IRS1: variants seen among roughly 807,000 people sequenced by gnomAD.
IRS1 encodes the protein insulin receptor substrate 1.
Under a neutral mutation model 65.6 loss-of-function variants are expected in IRS1, and 34 were observed. That is an observed-to-expected ratio of 0.52 (90% confidence interval 0.39 to 0.69). The LOEUF (loss-of-function observed/expected upper bound fraction) is 0.69. Ranked by LOEUF, IRS1 falls within the 30% of genes least tolerant of loss-of-function variation. The pLI, the probability that IRS1 is intolerant of heterozygous loss-of-function variation, is 0.00. For missense variants in IRS1, 1,641 were observed against 1,720.2 expected, an observed-to-expected ratio of 0.95 and a Z score of 0.81; for synonymous variants, 699 against 683.5, an observed-to-expected ratio of 1.02 and a Z score of -0.35.
intron 1 of IRS1, among the ~76,000 whole-genome samples, chr2:226,777,329 T>C (rs1226149379): frequency 6.6e-6 from 1 of 152,204 alleles, no homozygotes; most frequent in Non-Finnish European, 1.5e-5. Flanking sequence ...ATTTTAAAAA[T>C]GCTATTGAGT....
At chr2:226,773,843 G>C (rs189574249) in intron 1 of IRS1, among the ~76,000 whole-genome samples, 53 of 152,262 alleles carry the variant, frequency 3.5e-4, no homozygotes, top group African/African-American at 1.2e-3. Flanking sequence ...GTAGTCTTAA[G>C]GCTGATTCCA....
intron 1 of IRS1, among the ~76,000 whole-genome samples, chr2:226,741,508 G>A (rs932102960): frequency 2.4e-4 from 37 of 152,096 alleles, no homozygotes; most frequent in African/African-American, 8.5e-4. Flanking sequence ...GAGCAGAGGG[G>A]TCAGTGGGTA....
chr2:226,737,496 CAG>C (rs1255123289), intron 1 of IRS1, among the ~76,000 whole-genome samples: 1 of 152,084 alleles, frequency 6.6e-6, no homozygotes, highest in Non-Finnish European at 1.5e-5. Flanking sequence ...GGGTATTTAG[CAG>C]AGAGTAGATC....
intron 1 of IRS1, among the ~76,000 whole-genome samples, chr2:226,742,358 G>T (rs935287886): frequency 2.0e-5 from 3 of 152,192 alleles, no homozygotes; most frequent in Admixed American, 6.5e-5. Flanking sequence ...AGCCATTTTA[G>T]CTAAAGAAAG....
chr2:226,774,725 T>C (rs766600106), intron 1 of IRS1, among the ~76,000 whole-genome samples: 4 of 152,244 alleles, frequency 2.6e-5, no homozygotes, highest in Non-Finnish European at 4.4e-5. Context: ...AAATAAACTA[T>C]GTTTCATCCA....
At chr2:226,738,599 G>A (rs1244814587) in intron 1 of IRS1, among the ~76,000 whole-genome samples, 2 of 152,300 alleles carry the variant, frequency 1.3e-5, no homozygotes, top group East Asian at 3.9e-4. Context: ...TTTACTCTGT[G>A]TGTCTACAAT....
In IRS1 at chr2:226,798,004, C is replaced by T; in HGVS notation, c.735G>A (p.Val245=). 1 of 1,614,120 alleles carries T rather than the reference C, an allele frequency of 6.2e-7. No individual in the cohort carries two copies. The highest frequency in any genetic ancestry group is 8.5e-7 in the Non-Finnish European group (1 of 1,180,012). Residue 245 remains valine (V), a synonymous_variant, in exon 1 of 2, where the codon GTG becomes GTA. Coordinates refer to ENST00000305123, the MANE Select transcript of IRS1 (RefSeq NM_005544.3). The surrounding 1 kb of genome is among the most constrained non-coding windows in gnomAD (Gnocchi z 9.4). ...GGATGGTCTCGTGCATGTTCTGGGC[C>T]ACCACAGAGTCATCCACCTGCATCC... is the stretch of plus-strand genomic sequence containing the variant. ...EFWMQVDDSV[V]AQNMHETILE...
Position 226,795,018 on chromosome 2 carries a change from G to A in IRS1, c.3721C>T (p.Arg1241Cys), listed in dbSNP as rs1022427396. The A allele has an allele frequency of 2.6e-5, 42 of 1,613,112 alleles. No homozygotes were observed. Among genetic ancestry groups the A allele is most frequent in the Non-Finnish European group, 3.3e-5 (39 of 1,179,958 alleles). ...TGTGATGTCCAGTTGAGCTACTGACGGTCCTCTGGCTGCTTCTGGAAACTG... is the reference window on the plus strand; with the variant it reads ...TGTGATGTCCAGTTGAGCTACTGACAGTCCTCTGGCTGCTTCTGGAAACTG... ...SISFQKQPEDRQ is the reference protein window; with the variant it reads ...SISFQKQPEDCQ The change falls in exon 1 of 2, where the codon CGT becomes TGT. Residue 1241 changes from arginine to cysteine, a missense_variant. This residue lies in a region of IRS1 where 1,324 missense variants were observed against 1,361.0 expected (regional missense o/e 0.97). Coordinates refer to ENST00000305123, the MANE Select transcript of IRS1 (RefSeq NM_005544.3).
At chr2:226,751,274 ATTTTTTTTTTTTTTTT>A (rs35699614) in intron 1 of IRS1, among the ~76,000 whole-genome samples, 2 of 77,550 alleles carry the variant, frequency 2.6e-5, no homozygotes, top group Non-Finnish European at 4.9e-5. Context: ...CCACACGGGT[ATTTTTTTTTTTTTTTT>A]TTTTTTTTTT....
chr2:226,790,164 A>G (rs1297671008), intron 1 of IRS1, among the ~76,000 whole-genome samples: 1 of 152,238 alleles, frequency 6.6e-6, no homozygotes, highest in Non-Finnish European at 1.5e-5. Context: ...AAAATCCTCA[A>G]GTTACTGATG....
intron 1 of IRS1, among the ~76,000 whole-genome samples, chr2:226,742,701 C>T (rs1238724522): frequency 7.4e-6 from 1 of 134,384 alleles, no homozygotes; most frequent in East Asian, 2.8e-4. Flanking sequence ...TGAAGAAAGG[C>T]ACACGCATTA....
rs1939834206 is a variant in IRS1 at position 226,799,130 on chromosome 2, C to T, written c.-392G>A. ...CGACAGTCGGGGGTCCCTGCGGTGCCCCTCCAGGAGCGCGCGCGCGCGCGC... is the reference window on the plus strand; with the variant it reads ...CGACAGTCGGGGGTCCCTGCGGTGCTCCTCCAGGAGCGCGCGCGCGCGCGC... On this transcript the variant is annotated 5_prime_UTR_variant, in exon 1 of 2. Coordinates refer to ENST00000305123, the MANE Select transcript of IRS1 (RefSeq NM_005544.3). The surrounding 1 kb of genome is among the most constrained non-coding windows in gnomAD (Gnocchi z 6.1). 2.6e-6 allele frequency: 3 copies of T among 1,157,142 alleles called. No homozygotes were observed. Among genetic ancestry groups the T allele is most frequent in the Non-Finnish European group, 3.2e-6 (3 of 924,058 alleles). The allele number at this position is 1,157,142 out of a possible 1,614,324, so 71.7% of individuals were successfully genotyped here.
At position 226,798,469 on chromosome 2, in the gene IRS1, G is replaced by A. The variant is rs3731597; in HGVS notation, c.270C>T (p.Asp90=). The change falls in exon 1 of 2, where the codon GAC becomes GAT. Residue 90 remains aspartate (D), a synonymous_variant. Transcript: ENST00000305123. This position sits in a 1 kb window ranked among gnomAD's most constrained non-coding sequence, Gnocchi z 9.4. ...TGTCCGCCGCGATGGCAAAGTGCTC[G>A]TCCCGGGTGTAGAGAGCCACCAGGT... is the stretch of plus-strand genomic sequence containing the variant. ...NKHLVALYTR[D]EHFAIAADSE... The A allele has an allele frequency of 0.025, 41,089 of 1,614,066 alleles. 1,909 individuals are homozygous for A. The highest frequency in any genetic ancestry group is 0.16 in the African/African-American group (12,118 of 75,010).
intron 1 of IRS1, among the ~76,000 whole-genome samples, chr2:226,784,188 T>C (rs1425479831): frequency 6.6e-6 from 1 of 152,154 alleles, no homozygotes; most frequent in Admixed American, 6.5e-5. Flanking sequence ...GTTTGTTACA[T>C]ATTGAAAGCT....
At chr2:226,768,893 C>T (rs1376497250) in intron 1 of IRS1, among the ~76,000 whole-genome samples, 1 of 152,266 alleles carries the variant, frequency 6.6e-6, no homozygotes, top group East Asian at 1.9e-4. Context: ...CCTCGGCCTC[C>T]CAAAGTGCTG....
chr2:226,735,457 T>G lies in IRS1; in HGVS notation c.*815A>C. On this transcript the variant is annotated 3_prime_UTR_variant, in exon 2 of 2. Coordinates refer to ENST00000305123, the MANE Select transcript of IRS1 (RefSeq NM_005544.3). The stretch of plus-strand genomic sequence containing the variant: ...CCCAGCCAAATATATCCTTCTTCAG[T>G]TTAATTAACATGGCCTATTGTCTTA... 6.6e-6 allele frequency: 1 copy of G among 152,458 alleles called. No homozygotes were observed. Among genetic ancestry groups the G allele is most frequent in the Non-Finnish European group, 1.5e-5 (1 of 68,022 alleles). The allele number at this position is 152,458 out of a possible 1,614,324, so 9.4% of individuals were successfully genotyped here. A position where few individuals can be genotyped will look rare whatever the true frequency, so the allele number is the denominator to read the frequency against.
chr2:226,792,140 C>G (rs1378344581), intron 1 of IRS1: 2 of 151,784 alleles, frequency 1.3e-5, no homozygotes, highest in Non-Finnish European at 2.9e-5. Flanking sequence ...TGTTTTTTTT[C>G]TTTTTCTTTT....
At chr2:226,746,101 T>A (rs1938538628) in intron 1 of IRS1, among the ~76,000 whole-genome samples, 1 of 151,712 alleles carries the variant, frequency 6.6e-6, no homozygotes, top group Non-Finnish European at 1.5e-5. Flanking sequence ...TACAGAAACA[T>A]CAGAAAGGCC....
chr2:226,741,814 C>CACACACACACACACACATA (rs1559146699), intron 1 of IRS1, among the ~76,000 whole-genome samples: 3 of 147,070 alleles, frequency 2.0e-5, no homozygotes, highest in African/African-American at 7.4e-5. Flanking sequence ...CACACACACA[C>CACACACACACACACACATA]ACACACACAC....
Sources: allele counts gnomAD v4.1 joint callset (sites outside exome capture counted in the v4.1 genomes callset), GRCh38; gene constraint gnomAD v4.1.1; regional missense constraint gnomAD v4.1.1; non-coding constraint Gnocchi (gnomAD v3.1); transcripts MANE v1.5; gene names NCBI Gene and HGNC (gene_info 2026-07-23, HGNC 2026-07-21).